NCKAP5: variants seen among roughly 807,000 people sequenced by gnomAD.
NCKAP5 encodes the protein nck-associated protein 5.
In NCKAP5, 92 loss-of-function variants were observed where a neutral mutation model predicts 167.0. That is an observed-to-expected ratio of 0.55 (90% CI 0.47 to 0.66). The LOEUF (loss-of-function observed/expected upper bound fraction) is 0.66. NCKAP5 is among the 30% of genes least tolerant of loss of function. The pLI is 0.00. For missense variants in NCKAP5, 2,378 were observed against 2,315.0 expected, an observed-to-expected ratio of 1.03 and a Z score of -0.56; for synonymous variants, 891 against 877.4, an observed-to-expected ratio of 1.02 and a Z score of -0.27.
intron 8 of NCKAP5, among the ~76,000 whole-genome samples, chr2:132,921,425 T>C (rs1430888900): frequency 6.6e-6 from 1 of 152,222 alleles, no homozygotes; most frequent in Admixed American, 6.5e-5. Context: ...CTTCTCAGAT[T>C]CTAGGATAGC....
chr2:132,760,494 T>C (rs1027774566), intron 16 of NCKAP5, among the ~76,000 whole-genome samples: 6 of 152,208 alleles, frequency 3.9e-5, no homozygotes, highest in Non-Finnish European at 7.4e-5. Flanking sequence ...TTGTCAGCCC[T>C]TACTAGGTAA....
chr2:133,672,727 T>G, the NCKAP5 span, among the ~76,000 whole-genome samples: 2 of 151,666 alleles, frequency 1.3e-5, no homozygotes, highest in Admixed American at 6.5e-5. Flanking sequence ...TCCATAAAAC[T>G]TTATTTACAA....
chr2:133,280,398 GTTTA>G (rs562780851), intron 4 of NCKAP5, among the ~76,000 whole-genome samples: 4 of 152,108 alleles, frequency 2.6e-5, no homozygotes, highest in East Asian at 1.9e-4. Context: ...CTGTTCGTTT[GTTTA>G]TTTATTTATT....
At chr2:133,407,537 G>C (rs868315860) in intron 3 of NCKAP5, among the ~76,000 whole-genome samples, 1 of 152,192 alleles carries the variant, frequency 6.6e-6, no homozygotes, top group Non-Finnish European at 1.5e-5. Context: ...CCCTCTCCAC[G>C]TGGTGCAGGC....
In NCKAP5 at chr2:133,388,812, C is replaced by T. The variant is rs564726057; in HGVS notation, c.70-85702G>A. On this transcript the variant is annotated intron_variant, in intron 3 of 19. Transcript: ENST00000409261. ...GCTGTGCTAGCAATGAGCAAGGCTG[C>T]GTGGGCGTGGGACCCTCCGAGCCAG... Among the ~76,000 whole-genome samples, 44 of 152,328 alleles carry T rather than the reference C, an allele frequency of 2.9e-4. No individual in the cohort carries two copies. In the South Asian group the frequency reaches 8.1e-3, roughly 28 times the overall value.
At chr2:133,519,828 GCAAA>G (rs1652664942) in intron 2 of NCKAP5, among the ~76,000 whole-genome samples, 1 of 152,130 alleles carries the variant, frequency 6.6e-6, no homozygotes, top group African/African-American at 2.4e-5. Context: ...TAGAAAACAA[GCAAA>G]CAAACAGCTC....
At chr2:133,532,747 CT>C (rs1267139921) in intron 2 of NCKAP5, among the ~76,000 whole-genome samples, 2 of 152,030 alleles carry the variant, frequency 1.3e-5, no homozygotes, top group African/African-American at 4.8e-5. Context: ...ATTTTTCCCC[CT>C]AATTTCACCC....
At chr2:133,586,221 A>G in the NCKAP5 span, among the ~76,000 whole-genome samples, 4 of 152,154 alleles carry the variant, frequency 2.6e-5, no homozygotes, top group Non-Finnish European at 4.4e-5. Flanking sequence ...ATCTCTAGGT[A>G]TCTAAGCACC....
At position 132,827,305 on chromosome 2, in the gene NCKAP5, A is replaced by G. The variant is rs1687197797; in HGVS notation, c.808-30576T>C. Among the ~76,000 whole-genome samples, 4 of 152,186 alleles carry G rather than the reference A, an allele frequency of 2.6e-5. No individual in the cohort carries two copies. The South Asian group carries it at 8.3e-4, about 31-fold the overall frequency. Reference sequence around the variant, plus strand: ...CATTTCCATCCCTTTTAAATGGATAATCCAGTGGCATTAAGCATCTTTTTA... The same window carrying G: ...CATTTCCATCCCTTTTAAATGGATAGTCCAGTGGCATTAAGCATCTTTTTA... On this transcript the variant is annotated intron_variant, in intron 11 of 19. Transcript: ENST00000409261.
intron 3 of NCKAP5, among the ~76,000 whole-genome samples, chr2:133,409,515 G>T (rs1688647383): frequency 6.6e-6 from 1 of 152,168 alleles, no homozygotes; most frequent in South Asian, 2.1e-4. Context: ...CCCTGTTCAG[G>T]AAACCATGGT....
intron 3 of NCKAP5, among the ~76,000 whole-genome samples, chr2:133,446,340 T>C (rs1691192118): frequency 6.6e-6 from 1 of 152,172 alleles, no homozygotes; most frequent in Non-Finnish European, 1.5e-5. Context: ...AGCCCAGAAG[T>C]GTCTAAAGAT....
chr2:133,151,625 G>A (rs1240050672), intron 5 of NCKAP5, among the ~76,000 whole-genome samples: 1 of 152,156 alleles, frequency 6.6e-6, no homozygotes, highest in Non-Finnish European at 1.5e-5. Flanking sequence ...AACACCAAAT[G>A]CTGATGAGGA....
intron 3 of NCKAP5, among the ~76,000 whole-genome samples, chr2:133,320,941 G>T (rs906568641): frequency 6.6e-6 from 1 of 152,080 alleles, no homozygotes; most frequent in Non-Finnish European, 1.5e-5. Context: ...ATTCCTGTGG[G>T]TGTCAGTTTT....
chr2:133,290,608 T>C (rs1200583479), intron 4 of NCKAP5, among the ~76,000 whole-genome samples: 1 of 152,158 alleles, frequency 6.6e-6, no homozygotes, highest in Admixed American at 6.5e-5. Context: ...CATTTTAACA[T>C]TTTTAAGCCA....
intron 8 of NCKAP5, among the ~76,000 whole-genome samples, chr2:132,944,701 C>G (rs965975395): frequency 6.6e-6 from 1 of 152,156 alleles, no homozygotes; most frequent in African/African-American, 2.4e-5. Flanking sequence ...ATATTCTCTT[C>G]CAGTAGGAAG....
chr2:133,466,964 A>ATT (rs1278136295), intron 3 of NCKAP5, among the ~76,000 whole-genome samples: 1 of 152,140 alleles, frequency 6.6e-6, no homozygotes, highest in African/African-American at 2.4e-5. Context: ...AACAGGGACA[A>ATT]TTTGACTTCC....
the NCKAP5 span, among the ~76,000 whole-genome samples, chr2:133,667,671 T>C: frequency 8.5e-5 from 13 of 152,064 alleles, no homozygotes; most frequent in Non-Finnish European, 4.4e-5. Flanking sequence ...ATATGGCATA[T>C]TGACATCTAT....
the NCKAP5 span, among the ~76,000 whole-genome samples, chr2:133,607,855 A>G: frequency 6.6e-6 from 1 of 152,000 alleles, no homozygotes; most frequent in Non-Finnish European, 1.5e-5. Context: ...CCCCACATAT[A>G]TTTTCTTGTA....
At chr2:132,802,204 C>T (rs1279561209) in intron 11 of NCKAP5, among the ~76,000 whole-genome samples, 3 of 152,200 alleles carry the variant, frequency 2.0e-5, no homozygotes, top group Non-Finnish European at 4.4e-5. Context: ...CTAGTCTGCT[C>T]TAGCCCACTG....
Sources: gnomAD v4.1 joint callset for allele counts (sites outside exome capture counted in the v4.1 genomes callset) on GRCh38, gnomAD v4.1.1 for gene constraint, MANE v1.5 for transcripts, NCBI Gene and HGNC (gene_info 2026-07-23, HGNC 2026-07-21) for gene names.